COPB1: variants seen among roughly 807,000 people sequenced by gnomAD.
COPB1 encodes the protein coatomer subunit beta.
Under a neutral mutation model 108.7 loss-of-function variants are expected in COPB1, and 21 were observed. The ratio of observed to expected loss-of-function variants is 0.19; its 90% confidence interval spans 0.14 to 0.28. COPB1 has a LOEUF of 0.28. Ranked by LOEUF, COPB1 falls within the 10% of genes least tolerant of loss-of-function variation. COPB1 has a pLI of 1.00. For missense variants in COPB1, 919 were observed against 1,141.3 expected (o/e 0.81, Z 2.81); for synonymous variants, 378 against 386.8 (o/e 0.98, Z 0.27).
At chr11:14,474,416 T>G in intron 14 of COPB1, 79 bp downstream of exon 14, 2 of 1,297,984 alleles carry the variant, frequency 1.5e-6, no homozygotes, top group Non-Finnish European at 2.1e-6. Flanking sequence ...GCATTAATTT[T>G]TGAGTCCCTC....
Position 14,468,873 on chromosome 11 carries a change from T to C in COPB1, c.1966-13A>G, listed in dbSNP as rs745595204. 7 of 1,606,036 alleles carry C rather than the reference T, an allele frequency of 4.4e-6. No individual in the cohort carries two copies. The highest frequency in any genetic ancestry group is 1.7e-4 in the Middle Eastern group (1 of 6,052). On this transcript the variant is annotated splice_polypyrimidine_tract_variant and intron_variant, in intron 15 of 21. Coordinates refer to ENST00000439561, the MANE Select transcript of COPB1 (RefSeq NM_001144061.2). Reference sequence around the variant, plus strand: ...TTTCAGATTCTTTCTGTGTTGAGAATATAACAAAGTCTCTCTTTAATATGA... The same window carrying C: ...TTTCAGATTCTTTCTGTGTTGAGAACATAACAAAGTCTCTCTTTAATATGA...
chr11:14,466,395 A>G lies in COPB1; in HGVS notation c.2177T>C (p.Val726Ala). 1 of 1,612,738 alleles carries G rather than the reference A, an allele frequency of 6.2e-7. No homozygotes were observed. Among genetic ancestry groups the G allele is most frequent in the Non-Finnish European group, 8.5e-7 (1 of 1,179,528 alleles). ...GACATGAACGTAAGCTTCTGCATATACAGGATCTGAGAAACCTGTCAATTG... is the reference window on the plus strand; with the variant it reads ...GACATGAACGTAAGCTTCTGCATATGCAGGATCTGAGAAACCTGTCAATTG... ...VTQLTGFSDP[V>A]YAEAYVHVNQ... Residue 726 changes from valine (V) to alanine (A), a missense_variant, in exon 17 of 22, where the codon GTA becomes GCA. This residue lies in a region of COPB1 where 705 missense variants were observed against 817.8 expected (regional missense o/e 0.86). Coordinates refer to ENST00000439561, the MANE Select transcript of COPB1 (RefSeq NM_001144061.2).
intron 13 of COPB1, 82 bp downstream of exon 13, chr11:14,475,703 G>C: frequency 7.6e-7 from 1 of 1,321,034 alleles, no homozygotes; most frequent in Middle Eastern, 2.0e-4. Flanking sequence ...AAAGCAAGAG[G>C]AAAGAAATCA....
intron 7 of COPB1, among the ~76,000 whole-genome samples, chr11:14,485,008 CTTTTAAT>C (rs1206658213): frequency 6.6e-6 from 1 of 152,052 alleles, no homozygotes; most frequent in African/African-American, 2.4e-5. Flanking sequence ...TAACATTTTT[CTTTTAAT>C]TTTTATTTTC....
intron 17 of COPB1, among the ~76,000 whole-genome samples, chr11:14,465,897 C>T (rs1346944794): frequency 6.6e-6 from 1 of 152,170 alleles, no homozygotes; most frequent in African/African-American, 2.4e-5. Context: ...TGATTTATTA[C>T]TTTGGTCACA....
intron 18 of COPB1, among the ~76,000 whole-genome samples, chr11:14,462,978 G>C (rs777381645): frequency 2.0e-5 from 3 of 151,944 alleles, no homozygotes; most frequent in Non-Finnish European, 4.4e-5. Context: ...TCTTCATATC[G>C]TATTTAGTCT....
At position 14,498,791 on chromosome 11, in the gene COPB1, T is replaced by A. The variant is rs766204377; in HGVS notation, c.91+47A>T. Reference sequence around the variant, plus strand: ...ATATGAAATATGAGTTTTTTATTTTTGTTTTTTCTTTTTTCATTTCATTCT... The same window carrying A: ...ATATGAAATATGAGTTTTTTATTTTAGTTTTTTCTTTTTTCATTTCATTCT... On this transcript the variant is annotated intron_variant, in intron 2 of 21. Coordinates refer to ENST00000439561, the MANE Select transcript of COPB1 (RefSeq NM_001144061.2). 8.3e-6 allele frequency: 12 copies of A among 1,448,920 alleles called. No homozygotes were observed. In the African/African-American group the frequency reaches 1.4e-4, roughly 17 times the overall value. 89.8% of individuals were successfully genotyped at this position (1,448,920 alleles called of 1,614,324 possible).
chr11:14,480,424 TA>T (rs1279011160), intron 10 of COPB1, among the ~76,000 whole-genome samples: 1 of 152,228 alleles, frequency 6.6e-6, no homozygotes, highest in African/African-American at 2.4e-5. Context: ...CTGATTCCTT[TA>T]AGAGCTAAAG....
chr11:14,473,693 A>G (rs1850458760), intron 14 of COPB1, among the ~76,000 whole-genome samples: 1 of 152,206 alleles, frequency 6.6e-6, no homozygotes. Context: ...AGATCACCAT[A>G]ACAGATGTAA....
intron 2 of COPB1, among the ~76,000 whole-genome samples, chr11:14,498,365 C>T (rs1383100890): frequency 4.6e-5 from 7 of 152,132 alleles, no homozygotes. Flanking sequence ...TGCAAAAATG[C>T]ATAAAAAATG....
At chr11:14,492,484 C>CA (rs1245624172) in intron 4 of COPB1, among the ~76,000 whole-genome samples, 1 of 152,086 alleles carries the variant, frequency 6.6e-6, no homozygotes, top group Non-Finnish European at 1.5e-5. Context: ...GCTAGGACTA[C>CA]AGGCATGTGC....
intron 2 of COPB1, among the ~76,000 whole-genome samples, chr11:14,497,850 C>T (rs1851059233): frequency 6.6e-6 from 1 of 152,056 alleles, no homozygotes; most frequent in Non-Finnish European, 1.5e-5. Context: ...CAATGGAGTA[C>T]TATTCAGCCA....
chr11:14,474,579 G>T lies in COPB1; in HGVS notation c.1653C>A (p.Phe551Leu). 1 of 1,613,960 alleles carries T rather than the reference G, an allele frequency of 6.2e-7. No homozygotes were observed. The highest frequency in any genetic ancestry group is 8.5e-7 in the Non-Finnish European group (1 of 1,179,928). Reference protein sequence around the residue: ...PLRGFLLDGDFFVAASLATTL... With the variant: ...PLRGFLLDGDLFVAASLATTL... ...TTGTGGCAAGGGAGGCAGCAACAAA[G>T]AAATCTCCATCCAGAAGGAATCCTC... The change falls in exon 14 of 22, where the codon TTC (phenylalanine) becomes TTA (leucine). Residue 551 changes from phenylalanine (F) to leucine (L), a missense_variant. By Grantham distance (22) the Phe-to-Leu change is conservative (BLOSUM62 0). Coordinates refer to ENST00000439561, the MANE Select transcript of COPB1 (RefSeq NM_001144061.2).
At chr11:14,459,623 T>G (rs929160414) in intron 20 of COPB1, among the ~76,000 whole-genome samples, 4 of 152,172 alleles carry the variant, frequency 2.6e-5, no homozygotes, top group African/African-American at 9.7e-5. Context: ...AACGATTTTA[T>G]TTATCTTTTT....
In COPB1 at chr11:14,498,867, G is replaced by T; in HGVS notation, c.62C>A (p.Pro21Gln). 1 of 1,606,698 alleles carries T rather than the reference G, an allele frequency of 6.2e-7. No individual in the cohort carries two copies. Among genetic ancestry groups the T allele is most frequent in the Non-Finnish European group, 8.5e-7 (1 of 1,177,754 alleles). Reference sequence around the variant, plus strand: ...ATCATTTTTTAAGCTAATTTCAGATGGTGGTTCTGAATCCATTGGCACGTT... The same window carrying T: ...ATCATTTTTTAAGCTAATTTCAGATTGTGGTTCTGAATCCATTGGCACGTT... ...LINVPMDSEPPSEISLKNDLE... is the reference protein window; with the variant it reads ...LINVPMDSEPQSEISLKNDLE... Residue 21 changes from proline to glutamine, a missense_variant, in exon 2 of 22, where the codon CCA (proline) becomes CAA (glutamine). Physicochemically the swap from Pro to Gln is moderately conservative, Grantham distance 76. Around this residue, in one of 5 missense-constraint regions of COPB1, gnomAD observed 92 missense variants for 108.4 expected, o/e 0.85. Coordinates refer to ENST00000439561, the MANE Select transcript of COPB1 (RefSeq NM_001144061.2).
chr11:14,492,705 T>C (rs536096168), intron 4 of COPB1, among the ~76,000 whole-genome samples: 53 of 152,272 alleles, frequency 3.5e-4, no homozygotes, highest in African/African-American at 1.2e-3. Context: ...GTAAGATAAC[T>C]ATGAAATTAT....
chr11:14,479,143 T>C (rs1453156667), intron 11 of COPB1, among the ~76,000 whole-genome samples: 2 of 152,164 alleles, frequency 1.3e-5, no homozygotes, highest in African/African-American at 2.4e-5. Context: ...CATCAGATGC[T>C]TTAAATGAAG....
In COPB1 at chr11:14,458,552, T is replaced by G. The variant is rs780535984; in HGVS notation, c.2782A>C (p.Arg928=). ...GPDAAVTGHI[R]IRAKSQGMAL... ...GTTACCTGGCTCTTTGCACGAATTC[T>G]TATATGGCCGGTAACAGCAGCATCT... The change falls in exon 21 of 22, where the codon AGA becomes CGA. Residue 928 remains arginine (R), a synonymous_variant. Transcript: ENST00000439561. 1.2e-6 allele frequency: 2 copies of G among 1,611,700 alleles called. No homozygotes were observed. The highest frequency in any genetic ancestry group is 1.1e-5 in the South Asian group (1 of 90,494).
chr11:14,475,756 G>A, intron 13 of COPB1, 29 bp downstream of exon 13: 1 of 1,481,934 alleles, frequency 6.7e-7, no homozygotes, highest in African/African-American at 1.4e-5. Flanking sequence ...AAGTAGTACA[G>A]CTGGCAGGGT....
Sources: gnomAD v4.1 joint callset for allele counts (sites outside exome capture counted in the v4.1 genomes callset) on GRCh38, gnomAD v4.1.1 for gene constraint, gnomAD v4.1.1 regional missense constraint, MANE v1.5 for transcripts, NCBI Gene and HGNC (gene_info 2026-07-23, HGNC 2026-07-21) for gene names.